Variants in GPRC5A observed in about 807,000 individuals in gnomAD.
GPRC5A encodes the protein G protein-coupled receptor class C group 5 member A.
In GPRC5A, 19 loss-of-function variants were observed where a neutral mutation model predicts 22.5. That is an observed-to-expected ratio of 0.85 (90% confidence interval 0.59 to 1.24). The LOEUF is 1.24. Ranked by LOEUF, GPRC5A falls within the 50% of genes most tolerant of loss-of-function variation. GPRC5A has a pLI of 0.00. For missense variants in GPRC5A, 471 were observed against 451.1 expected (o/e 1.04, Z -0.40); for synonymous variants, 192 against 184.5 (o/e 1.04, Z -0.33).
chr12:12,912,233 G>GC, intron 3 of GPRC5A, 91 bp downstream of exon 3: 1 of 1,017,342 alleles, frequency 9.8e-7, no homozygotes, highest in Admixed American at 1.7e-5. Context: ...CTTTCTCATG[G>GC]CCCCTAGATG....
intron 1 of GPRC5A, among the ~76,000 whole-genome samples, chr12:12,902,063 A>T (rs1006903488): frequency 2.0e-5 from 3 of 152,116 alleles, no homozygotes; most frequent in Non-Finnish European, 4.4e-5. Context: ...AATCATTTTC[A>T]GTTTTTCAGA....
chr12:12,901,653 G>A (rs1220868347), intron 1 of GPRC5A, among the ~76,000 whole-genome samples: 2 of 151,950 alleles, frequency 1.3e-5, no homozygotes, highest in Non-Finnish European at 2.9e-5. Context: ...TGAGTCTAGA[G>A]GGAGACACAG....
At chr12:12,912,397 A>T (rs1230166929) in intron 3 of GPRC5A, 50 bp from the exon 4 acceptor site, 1 of 1,216,966 alleles carries the variant, frequency 8.2e-7, no homozygotes, top group Admixed American at 1.7e-5. Context: ...AGACCTGTTG[A>T]AATGGCAGGA....
chr12:12,905,658 G>T (rs1027404016), intron 1 of GPRC5A, among the ~76,000 whole-genome samples: 5 of 152,288 alleles, frequency 3.3e-5, no homozygotes, highest in African/African-American at 1.2e-4. Context: ...AGGAAATGGG[G>T]ACACTCCTTT....
chr12:12,894,158 T>C (rs1420850925), intron 1 of GPRC5A, among the ~76,000 whole-genome samples: 1 of 152,264 alleles, frequency 6.6e-6, no homozygotes, highest in Non-Finnish European at 1.5e-5. Flanking sequence ...CTTAAATTGC[T>C]TATAACCTGG....
At chr12:12,909,222 A>G in intron 2 of GPRC5A, 51 bp downstream of exon 2, 1 of 1,226,358 alleles carries the variant, frequency 8.2e-7, no homozygotes, top group South Asian at 1.4e-5. Context: ...AAGGTGGGGG[A>G]GAATCATAGG....
chr12:12,911,677 A>C (rs1864006574), intron 2 of GPRC5A, among the ~76,000 whole-genome samples: 2 of 151,886 alleles, frequency 1.3e-5, no homozygotes, highest in Non-Finnish European at 2.9e-5. Context: ...TTTAATAGAG[A>C]TGGGGTTTCA....
In GPRC5A at chr12:12,917,652, T is replaced by C. The variant is rs1333764500; in HGVS notation, c.*5113T>C. ...TCCTCTCCCTTCTGCGTGTAAGCCATGGGAAAGGGATGAGGGAGGACAGCT... is the reference window on the plus strand; with the variant it reads ...TCCTCTCCCTTCTGCGTGTAAGCCACGGGAAAGGGATGAGGGAGGACAGCT... On this transcript the variant is annotated 3_prime_UTR_variant, in exon 4 of 4. Transcript: ENST00000014914. 6.6e-6 allele frequency: 1 copy of C among 152,186 alleles called. No individual in the cohort carries two copies. Among genetic ancestry groups the C allele is most frequent in the Non-Finnish European group, 1.5e-5 (1 of 68,036 alleles). 9.4% of individuals were successfully genotyped at this position (152,186 alleles called of 1,614,324 possible).
At chr12:12,895,849 C>T (rs1363652841) in intron 1 of GPRC5A, among the ~76,000 whole-genome samples, 29 of 132,466 alleles carry the variant, frequency 2.2e-4, no homozygotes, top group African/African-American at 5.2e-4. Flanking sequence ...AAAAATTAGC[C>T]GGGCGTGGTG....
rs143086058 is a variant in GPRC5A at position 12,915,624 on chromosome 12, T to TCTC, written c.*3102_*3104dup. The TCTC allele has an allele frequency of 0.015, 2,739 of 186,274 alleles. 76 individuals carry two copies. The highest frequency in any genetic ancestry group is 0.061 in the African/African-American group (2,593 of 42,176). 11.5% of individuals were successfully genotyped at this position (186,274 alleles called of 1,614,324 possible). A position where few individuals can be genotyped will look rare whatever the true frequency, so the allele number is the denominator to read the frequency against. The stretch of plus-strand genomic sequence containing the variant: ...GTTTCTCCTTCTTCCTTCTCCTCCT[T>TCTC]CTCCTCCTCCTCCTCCTCCACCATG... On this transcript the variant is annotated 3_prime_UTR_variant, in exon 4 of 4. Coordinates refer to ENST00000014914, the MANE Select transcript of GPRC5A (RefSeq NM_003979.4).
intron 1 of GPRC5A, among the ~76,000 whole-genome samples, chr12:12,907,654 C>G (rs2136460692): frequency 6.6e-6 from 1 of 152,260 alleles, no homozygotes; most frequent in South Asian, 2.1e-4. Context: ...TTTCAAGAGA[C>G]AGGGTCTTGC....
intron 2 of GPRC5A, among the ~76,000 whole-genome samples, chr12:12,910,341 G>C (rs144268071): frequency 7.2e-5 from 11 of 152,122 alleles, no homozygotes; most frequent in African/African-American, 2.2e-4. Flanking sequence ...CCTCCTGTCC[G>C]TTCCGTGGCT....
In GPRC5A at chr12:12,915,021, T is replaced by TC. The variant is rs1864049785; in HGVS notation, c.*2482_*2483insC. 6.9e-6 allele frequency: 1 copy of TC among 145,702 alleles called. No individual in the cohort carries two copies. The highest frequency in any genetic ancestry group is 1.5e-5 in the Non-Finnish European group (1 of 66,264). The allele number at this position is 145,702 out of a possible 1,614,324, so 9.0% of individuals were successfully genotyped here. A position where few individuals can be genotyped will look rare whatever the true frequency, so the allele number is the denominator to read the frequency against. On this transcript the variant is annotated 3_prime_UTR_variant, in exon 4 of 4. Coordinates refer to ENST00000014914, the MANE Select transcript of GPRC5A (RefSeq NM_003979.4). ...CACAAAATACTCTGGATCGGCATTT[T>TC]TTTTTTTTTTTTTTTTTGAGACAGG...
At chr12:12,901,136 T>C (rs150582276) in intron 1 of GPRC5A, among the ~76,000 whole-genome samples, 85 of 152,210 alleles carry the variant, frequency 5.6e-4, no homozygotes, top group African/African-American at 2.0e-3. Context: ...AGTCCTTTGC[T>C]CATGCCCAAG....
intron 1 of GPRC5A, among the ~76,000 whole-genome samples, chr12:12,898,900 C>T (rs1304092108): frequency 6.6e-6 from 1 of 152,168 alleles, no homozygotes; most frequent in Non-Finnish European, 1.5e-5. Context: ...TTTAAAACCC[C>T]ACTAGGTAGA....
chr12:12,894,458 G>T (rs1248988561), intron 1 of GPRC5A, among the ~76,000 whole-genome samples: 1 of 152,080 alleles, frequency 6.6e-6, no homozygotes, highest in Non-Finnish European at 1.5e-5. Flanking sequence ...GCCCTGGCTG[G>T]AGTGCAGTGG....
rs1456167511 is a variant in GPRC5A at position 12,908,739 on chromosome 12, G to C, written c.490G>C (p.Val164Leu). The C allele has an allele frequency of 9.9e-6, 16 of 1,614,190 alleles. No homozygotes were observed. The highest frequency in any genetic ancestry group is 1.4e-5 in the Non-Finnish European group (16 of 1,180,018). The change falls in exon 2 of 4, where the codon GTC (valine) becomes CTC (leucine). Residue 164 changes from valine (V) to leucine (L), a missense_variant. By Grantham distance (32) the Val-to-Leu change is conservative (BLOSUM62 1). Coordinates refer to ENST00000014914, the MANE Select transcript of GPRC5A (RefSeq NM_003979.4). Reference protein sequence around the residue: ...VLTMNRTNVNVFSELSAPRRN... With the variant: ...VLTMNRTNVNLFSELSAPRRN... ...GACCATGAATAGGACCAACGTCAAT[G>C]TCTTTTCTGAGCTTTCCGCTCCTCG...
chr12:12,916,540 C>T lies in GPRC5A; in HGVS notation c.*4001C>T, dbSNP rs900419928. On this transcript the variant is annotated 3_prime_UTR_variant, in exon 4 of 4. Transcript: ENST00000014914. Reference sequence around the variant, plus strand: ...CAGTAGGCGCGAGGCAAATGCGTCCCATTTTAAGAGGCTTGTATTTATGAG... The same window carrying T: ...CAGTAGGCGCGAGGCAAATGCGTCCTATTTTAAGAGGCTTGTATTTATGAG... 6.6e-6 allele frequency: 1 copy of T among 152,248 alleles called. No homozygotes were observed. The highest frequency in any genetic ancestry group is 2.4e-5 in the African/African-American group (1 of 41,464). The allele number at this position is 152,248 out of a possible 1,614,324, so 9.4% of individuals were successfully genotyped here.
intron 1 of GPRC5A, among the ~76,000 whole-genome samples, chr12:12,900,142 C>G (rs1475990927): frequency 6.6e-6 from 1 of 152,226 alleles, no homozygotes; most frequent in Admixed American, 6.5e-5. Context: ...GAGCCTCTGG[C>G]TTTGTCCTTC....
Sources: gnomAD v4.1 joint callset for allele counts (sites outside exome capture counted in the v4.1 genomes callset) on GRCh38, gnomAD v4.1.1 for gene constraint, MANE v1.5 for transcripts, NCBI Gene and HGNC (gene_info 2026-07-23, HGNC 2026-07-21) for gene names.